Variants in SORBS2 observed in about 807,000 individuals in gnomAD.
SORBS2 encodes sorbin and SH3 domain-containing protein 2.
In SORBS2, 46 loss-of-function variants were observed where a neutral mutation model predicts 97.7. The ratio of observed to expected loss-of-function variants is 0.47; its 90% CI spans 0.37 to 0.60. The LOEUF is 0.60. SORBS2 is among the 20% of genes least tolerant of loss of function. The pLI, the probability that SORBS2 is intolerant of heterozygous loss-of-function variation, is 0.00. For missense variants in SORBS2, 1,316 were observed against 1,282.3 expected, an observed-to-expected ratio of 1.03 and a Z score of -0.40; for synonymous variants, 476 against 473.4, an observed-to-expected ratio of 1.01 and a Z score of -0.07.
intron 1 of SORBS2, among the ~76,000 whole-genome samples, chr4:185,938,855 C>T (rs1033069766): frequency 6.6e-6 from 1 of 152,184 alleles, no homozygotes; most frequent in Non-Finnish European, 1.5e-5. Context: ...ATACACCAGT[C>T]TGTTTACATT....
At chr4:185,681,582 A>C (rs1427609828) in intron 2 of SORBS2, among the ~76,000 whole-genome samples, 1 of 152,142 alleles carries the variant, frequency 6.6e-6, no homozygotes, top group African/African-American at 2.4e-5. Flanking sequence ...TTCACTGAAA[A>C]TCCACGAATG....
chr4:185,596,780 G>A (rs1008577769), intron 12 of SORBS2, among the ~76,000 whole-genome samples: 5 of 151,854 alleles, frequency 3.3e-5, no homozygotes, highest in East Asian at 3.9e-4. Context: ...TGATCTTCCC[G>A]CCTTGGCCTC....
intron 8 of SORBS2, among the ~76,000 whole-genome samples, chr4:185,619,345 T>C (rs2096676417): frequency 6.6e-6 from 1 of 152,108 alleles, no homozygotes; most frequent in Admixed American, 6.5e-5. Context: ...CACTCCATTC[T>C]TTTCCCCCAT....
chr4:185,910,028 T>C (rs113309452), intron 1 of SORBS2, among the ~76,000 whole-genome samples: 2,576 of 150,654 alleles, frequency 0.017, 88 homozygotes, highest in African/African-American at 0.06. Flanking sequence ...TTCCCTTCAA[T>C]GTCATGCCTG....
At chr4:185,934,800 A>T (rs1347581959) in intron 1 of SORBS2, among the ~76,000 whole-genome samples, 1 of 150,002 alleles carries the variant, frequency 6.7e-6, no homozygotes, top group African/African-American at 2.5e-5. Flanking sequence ...AAAAAAAATG[A>T]GAGAGAAATC....
At chr4:185,719,043 C>T (rs2098489123) in intron 2 of SORBS2, among the ~76,000 whole-genome samples, 1 of 151,638 alleles carries the variant, frequency 6.6e-6, no homozygotes, top group Non-Finnish European at 1.5e-5. Context: ...AAATAACAAG[C>T]TTGCCCAATA....
At chr4:185,784,527 G>A (rs1441605589) in intron 1 of SORBS2, among the ~76,000 whole-genome samples, 1 of 152,140 alleles carries the variant, frequency 6.6e-6, no homozygotes, top group Non-Finnish European at 1.5e-5. Flanking sequence ...ATGATACAGC[G>A]ATGGAGAGAG....
At chr4:185,896,751 G>C (rs1198181155) in intron 1 of SORBS2, among the ~76,000 whole-genome samples, 10 of 152,008 alleles carry the variant, frequency 6.6e-5, no homozygotes, top group Non-Finnish European at 1.5e-4. Flanking sequence ...CCCTAACAAA[G>C]AGCCATGTCC....
chr4:185,717,464 G>A (rs1397276186), intron 2 of SORBS2, among the ~76,000 whole-genome samples: 1 of 152,184 alleles, frequency 6.6e-6, no homozygotes, highest in East Asian at 1.9e-4. Context: ...TGTGTGCAAC[G>A]CGTATTATTT....
chr4:185,885,003 C>T (rs548543702), intron 1 of SORBS2, among the ~76,000 whole-genome samples: 2 of 152,084 alleles, frequency 1.3e-5, no homozygotes, highest in East Asian at 1.9e-4. Context: ...ATGTACGCAG[C>T]GGCTCCTCCA....
intron 13 of SORBS2, among the ~76,000 whole-genome samples, chr4:185,591,621 G>A (rs967956718): frequency 6.6e-6 from 1 of 152,122 alleles, no homozygotes; most frequent in African/African-American, 2.4e-5. Context: ...TCACATTTGA[G>A]AGAGATGGTG....
rs572248613 is a variant in SORBS2 at position 185,803,915 on chromosome 4, GC to G, written c.-337-28550del. Among the ~76,000 whole-genome samples the G allele has an allele frequency of 4.1e-3, 631 of 152,242 alleles. 5 individuals are homozygous for G. Among genetic ancestry groups the G allele is most frequent in the Non-Finnish European group, 7.4e-3 (504 of 68,018 alleles). On this transcript the variant is annotated intron_variant, in intron 1 of 20. Transcript: ENST00000284776. ...TTTCTCTGACAAAGAAGATAAGTGT[GC>G]CTTCTCATATTTTTATTATTTTCTT...
intron 3 of SORBS2, among the ~76,000 whole-genome samples, chr4:185,648,461 T>A (rs2097253973): frequency 6.6e-6 from 1 of 150,678 alleles, no homozygotes; most frequent in East Asian, 2.0e-4. Flanking sequence ...CACTCCAGCC[T>A]GGGTAACAGA....
intron 1 of SORBS2, among the ~76,000 whole-genome samples, chr4:185,653,572 T>A (rs1217098191): frequency 1.3e-5 from 2 of 152,178 alleles, no homozygotes; most frequent in African/African-American, 4.8e-5. Context: ...CATAATTATA[T>A]CTAAATCATA....
At chr4:185,634,006 C>T (rs567343558) in intron 4 of SORBS2, among the ~76,000 whole-genome samples, 40 of 152,240 alleles carry the variant, frequency 2.6e-4, no homozygotes, top group African/African-American at 9.4e-4. Flanking sequence ...AATATAACCC[C>T]TTGTTTTATT....
At chr4:185,942,121 A>G (rs2099272325) in intron 1 of SORBS2, among the ~76,000 whole-genome samples, 1 of 152,084 alleles carries the variant, frequency 6.6e-6, no homozygotes, top group East Asian at 1.9e-4. Context: ...ATTTAAAACA[A>G]AAAACAAAAA....
chr4:185,953,453 T>G (rs1319889470), intron 1 of SORBS2, among the ~76,000 whole-genome samples: 1 of 152,256 alleles, frequency 6.6e-6, no homozygotes, highest in African/African-American at 2.4e-5. Context: ...CTACTCAGCA[T>G]TCCCCAACAG....
chr4:185,814,082 T>C (rs1171323036), intron 1 of SORBS2, among the ~76,000 whole-genome samples: 2 of 152,200 alleles, frequency 1.3e-5, no homozygotes, highest in Non-Finnish European at 2.9e-5. Flanking sequence ...TGTTGACTCA[T>C]CACTTCAGAA....
intron 2 of SORBS2, among the ~76,000 whole-genome samples, chr4:185,758,604 C>A (rs1056432633): frequency 6.6e-6 from 1 of 152,026 alleles, no homozygotes; most frequent in African/African-American, 2.4e-5. Flanking sequence ...TTCCAGGCAC[C>A]TTCCTTCCTC....
Sources: allele counts gnomAD v4.1 joint callset (sites outside exome capture counted in the v4.1 genomes callset), GRCh38; gene constraint gnomAD v4.1.1; transcripts MANE v1.5; gene names NCBI Gene and HGNC (gene_info 2026-07-23, HGNC 2026-07-21).